SENP7: variants seen among roughly 807,000 people sequenced by gnomAD.
The protein encoded by SENP7 is SUMO specific peptidase 7.
In SENP7, 64 loss-of-function variants were observed where a neutral mutation model predicts 141.2. That is an observed-to-expected ratio of 0.45 (90% CI 0.37 to 0.56). SENP7 has a LOEUF of 0.56. SENP7 is among the 20% of genes least tolerant of loss of function. SENP7 has a pLI of 0.00. For missense variants in SENP7, 1,025 were observed against 1,212.2 expected (o/e 0.85, Z 2.29); for synonymous variants, 382 against 426.4 (o/e 0.90, Z 1.28).
chr3:101,332,881 G>A lies in SENP7; in HGVS notation c.2481-19C>T. On this transcript the variant is annotated intron_variant, in intron 17 of 23. Coordinates refer to ENST00000394095, the MANE Select transcript of SENP7 (RefSeq NM_020654.5). ...TGCCATTCTGAGAGTATGAAAGACA[G>A]ATTTGATATATAAAAATTTTTTCAT... The A allele has an allele frequency of 6.4e-7, 1 of 1,562,806 alleles. No homozygotes were observed. Among genetic ancestry groups the A allele is most frequent in the South Asian group, 1.3e-5 (1 of 79,552 alleles).
chr3:101,448,859 G>A (rs931107927), intron 4 of SENP7, among the ~76,000 whole-genome samples: 1 of 152,134 alleles, frequency 6.6e-6, no homozygotes, highest in Non-Finnish European at 1.5e-5. Flanking sequence ...ACCAGCAACG[G>A]AACAAAGCTG....
At chr3:101,361,196 C>G (rs9869697) in intron 11 of SENP7, among the ~76,000 whole-genome samples, 60,459 of 150,046 alleles carry the variant, frequency 0.4, 12,561 homozygotes, top group Admixed American at 0.54. Context: ...CTGGGTGAAA[C>G]AGTGAGACTC....
intron 11 of SENP7, chr3:101,358,146 A>C: frequency 1.9e-6 from 1 of 526,388 alleles, no homozygotes. Flanking sequence ...TAAACATAAG[A>C]TAATTCATAC....
intron 3 of SENP7, among the ~76,000 whole-genome samples, chr3:101,463,196 T>A (rs1420856873): frequency 6.6e-6 from 1 of 151,154 alleles, no homozygotes; most frequent in Non-Finnish European, 1.5e-5. Context: ...TGAGACCCTA[T>A]GTCTACAATA....
intron 4 of SENP7, among the ~76,000 whole-genome samples, chr3:101,451,699 G>C (rs2063141843): frequency 6.6e-6 from 1 of 152,302 alleles, no homozygotes; most frequent in African/African-American, 2.4e-5. Context: ...ATTAGGTATT[G>C]ATGGGACGTA....
chr3:101,497,568 C>A (rs929298950), intron 2 of SENP7, among the ~76,000 whole-genome samples: 1 of 151,428 alleles, frequency 6.6e-6, no homozygotes, highest in African/African-American at 2.4e-5. Context: ...CATGAAAGAT[C>A]TCCCAAGGCT....
At chr3:101,364,699 A>G in intron 10 of SENP7, 135 bp downstream of exon 10, 1 of 576,156 alleles carries the variant, frequency 1.7e-6, no homozygotes, top group Admixed American at 4.1e-5. Flanking sequence ...AAACTACTAT[A>G]AAAGTTGTCT....
chr3:101,427,584 G>T (rs1030797695), intron 4 of SENP7, among the ~76,000 whole-genome samples: 1 of 151,518 alleles, frequency 6.6e-6, no homozygotes, highest in Admixed American at 6.6e-5. Flanking sequence ...TTAAATTTCT[G>T]TGGGACCTGG....
In SENP7 at chr3:101,352,876, T is replaced by G. The variant is rs149378072; in HGVS notation, c.1624-1225A>C. On this transcript the variant is annotated intron_variant, in intron 11 of 23. Transcript: ENST00000394095. ...TTGTACTTTCACAAATATAAAACCC[T>G]ATATTCCATAGAGTAAGTGAGCCAT... Among the ~76,000 whole-genome samples, 526 of 152,094 alleles carry G rather than the reference T, an allele frequency of 3.5e-3. 3 individuals carry two copies. Among genetic ancestry groups the G allele is most frequent in the Middle Eastern group, 0.017 (5 of 294 alleles).
intron 4 of SENP7, among the ~76,000 whole-genome samples, chr3:101,452,549 C>A (rs1047430299): frequency 9.2e-5 from 14 of 151,988 alleles, no homozygotes; most frequent in Admixed American, 6.6e-5. Context: ...AGAGCCCTCA[C>A]AAATAATGCC....
At chr3:101,406,442 G>A (rs938830488) in intron 5 of SENP7, among the ~76,000 whole-genome samples, 1 of 151,982 alleles carries the variant, frequency 6.6e-6, no homozygotes, top group Non-Finnish European at 1.5e-5. Flanking sequence ...GTGGAGTGGG[G>A]GGAGGGGGGA....
chr3:101,437,315 G>C (rs976304284), intron 4 of SENP7, among the ~76,000 whole-genome samples: 12 of 152,094 alleles, frequency 7.9e-5, no homozygotes, highest in African/African-American at 2.7e-4. Context: ...TAGTACAATA[G>C]AGTAATATAG....
chr3:101,473,417 A>C (rs946296950), intron 3 of SENP7, among the ~76,000 whole-genome samples: 1 of 152,038 alleles, frequency 6.6e-6, no homozygotes, highest in Admixed American at 6.6e-5. Flanking sequence ...AGTTTTTAAT[A>C]GTAGCAATTT....
intron 3 of SENP7, among the ~76,000 whole-genome samples, chr3:101,463,416 TACAC>T (rs1553744852): frequency 8.6e-6 from 1 of 116,488 alleles, no homozygotes; most frequent in Non-Finnish European, 1.7e-5. Flanking sequence ...TATATATATA[TACAC>T]ACACATATAA....
At chr3:101,346,308 G>A (rs2059451914) in intron 13 of SENP7, among the ~76,000 whole-genome samples, 1 of 152,148 alleles carries the variant, frequency 6.6e-6, no homozygotes, top group South Asian at 2.1e-4. Context: ...CTACACTGCT[G>A]GTGGGAATGT....
intron 16 of SENP7, among the ~76,000 whole-genome samples, chr3:101,339,557 A>G (rs1295109568): frequency 6.6e-6 from 1 of 152,052 alleles, no homozygotes; most frequent in Non-Finnish European, 1.5e-5. Flanking sequence ...ATCTCTACTA[A>G]AAGTACAAAA....
intron 3 of SENP7, among the ~76,000 whole-genome samples, chr3:101,474,254 A>C (rs2064125131): frequency 6.6e-6 from 1 of 152,196 alleles, no homozygotes; most frequent in African/African-American, 2.4e-5. Context: ...TCATAAGAAT[A>C]GCATTAAATC....
chr3:101,467,990 A>G (rs1044648439), intron 3 of SENP7, among the ~76,000 whole-genome samples: 3 of 152,194 alleles, frequency 2.0e-5, no homozygotes, highest in South Asian at 2.1e-4. Context: ...TAACTAGAAT[A>G]AAGAGTGTAG....
intron 4 of SENP7, among the ~76,000 whole-genome samples, chr3:101,430,422 A>T (rs912782065): frequency 3.3e-5 from 5 of 152,070 alleles, no homozygotes; most frequent in Admixed American, 3.3e-4. Flanking sequence ...TTAGGAGGGT[A>T]TATTTGTCCA....
Sources: gnomAD v4.1 joint callset for allele counts (sites outside exome capture counted in the v4.1 genomes callset) on GRCh38, gnomAD v4.1.1 for gene constraint, MANE v1.5 for transcripts, NCBI Gene and HGNC (gene_info 2026-07-23, HGNC 2026-07-21) for gene names.